The following SLC15A5 variants were observed in gnomAD, a reference collection of about 807,000 sequenced individuals.
The protein encoded by SLC15A5 is Peptide/histidine transporter ENSP00000340402.
A neutral mutation model predicts 56.1 loss-of-function variants in SLC15A5; 58 were observed. The ratio of observed to expected loss-of-function variants is 1.03; its 90% CI spans 0.84 to 1.29. The LOEUF (loss-of-function observed/expected upper bound fraction) is 1.29, where lower values mean the gene tolerates loss of function less well. Among genes scored for constraint, SLC15A5 ranks in the 50% most tolerant of loss-of-function variants. The pLI, the probability that SLC15A5 is intolerant of heterozygous loss-of-function variation, is 0.00. For missense variants in SLC15A5, 681 were observed against 672.1 expected, an observed-to-expected ratio of 1.01 and a Z score of -0.15; for synonymous variants, 264 against 250.5, an observed-to-expected ratio of 1.05 and a Z score of -0.51.
intron 2 of SLC15A5, among the ~76,000 whole-genome samples, chr12:16,265,464 G>A (rs539720801): frequency 6.6e-6 from 1 of 152,050 alleles, no homozygotes; most frequent in Non-Finnish European, 1.5e-5. Flanking sequence ...TGAATATTCT[G>A]CTTGTTCTCT....
intron 7 of SLC15A5, among the ~76,000 whole-genome samples, chr12:16,211,950 A>G (rs11056825): frequency 0.14 from 21,556 of 152,178 alleles, 1,993 homozygotes; most frequent in East Asian, 0.33. Context: ...CAGCTTGGAG[A>G]CTGGAAGACT....
chr12:16,217,139 T>C (rs1328782446), intron 6 of SLC15A5, 115 bp from the exon 7 acceptor site: 10 of 1,184,590 alleles, frequency 8.4e-6, no homozygotes, highest in Non-Finnish European at 1.1e-5. Flanking sequence ...ACAATAAAAA[T>C]TTGGGTTGGA....
At chr12:16,217,399 A>G (rs1379486796) in intron 6 of SLC15A5, among the ~76,000 whole-genome samples, 1 of 152,188 alleles carries the variant, frequency 6.6e-6, no homozygotes, top group Non-Finnish European at 1.5e-5. Context: ...TGTGTAATTC[A>G]TTAAGTTCCT....
intron 1 of SLC15A5, among the ~76,000 whole-genome samples, chr12:16,275,539 A>G (rs1864808529): frequency 6.6e-6 from 1 of 152,012 alleles, no homozygotes; most frequent in Non-Finnish European, 1.5e-5. Context: ...GGCCATTGGA[A>G]TGGTTAAAAA....
chr12:16,211,300 G>A (rs16911720), intron 7 of SLC15A5, among the ~76,000 whole-genome samples: 22,472 of 152,132 alleles, frequency 0.15, 1,851 homozygotes, highest in East Asian at 0.27. Flanking sequence ...TCAGTCATTC[G>A]TGCCGACATA....
At chr12:16,274,897 A>G (rs190205272) in intron 1 of SLC15A5, among the ~76,000 whole-genome samples, 2 of 152,242 alleles carry the variant, frequency 1.3e-5, no homozygotes, top group East Asian at 3.9e-4. Context: ...CTGTTGTAAA[A>G]TGATGCAGTA....
rs1352483468 is a variant in SLC15A5, at chr12:16,189,701, A to G, written c.1707T>C (p.Ser569=). Residue 569 remains serine (S), a synonymous_variant, in exon 9 of 9, where the codon TCT becomes TCC. Coordinates refer to ENST00000344941, the MANE Select transcript of SLC15A5 (RefSeq NM_001170798.1). ...LKFYGSIQEF[S]SSIDLWETAL is the part of the protein sequence containing the mutation. Reference sequence around the variant, plus strand: ...CTGTCTCCCAAAGATCAATACTTGAAGAAAATTCCTGTATACTGCCATAAA... The same window carrying G: ...CTGTCTCCCAAAGATCAATACTTGAGGAAAATTCCTGTATACTGCCATAAA... 2 of 1,525,758 alleles carry G rather than the reference A, an allele frequency of 1.3e-6. No individual in the cohort carries two copies. The highest frequency in any genetic ancestry group is 2.8e-5 in the African/African-American group (2 of 72,456). The allele number at this position is 1,525,758 out of a possible 1,614,324, so 94.5% of individuals were successfully genotyped here.
intron 2 of SLC15A5, among the ~76,000 whole-genome samples, chr12:16,259,249 C>A (rs1565673101): frequency 1.3e-5 from 2 of 151,212 alleles, no homozygotes; most frequent in Non-Finnish European, 3.0e-5. Context: ...GTTGCCCAGG[C>A]TGCACATCTG....
At chr12:16,219,072 T>C (rs1251337450) in intron 6 of SLC15A5, among the ~76,000 whole-genome samples, 2 of 152,184 alleles carry the variant, frequency 1.3e-5, no homozygotes, top group Non-Finnish European at 2.9e-5. Flanking sequence ...TGCTCAGTGC[T>C]GGAACTGAGA....
intron 3 of SLC15A5, among the ~76,000 whole-genome samples, chr12:16,253,599 C>T (rs574040522): frequency 5.9e-5 from 9 of 152,106 alleles, no homozygotes; most frequent in Non-Finnish European, 7.4e-5. Context: ...GGCTGGGTGC[C>T]GTGGCTCACA....
At chr12:16,189,856 T>G in intron 8 of SLC15A5, 41 bp from the exon 9 acceptor site, 1 of 1,363,126 alleles carries the variant, frequency 7.3e-7, no homozygotes, top group Non-Finnish European at 9.6e-7. Context: ...GGACCAGATG[T>G]AGATGAATTG....
At position 16,267,411 on chromosome 12, in the gene SLC15A5, T is replaced by C. The variant is rs901813864; in HGVS notation, c.584+5150A>G. 1.0e-4 allele frequency among the ~76,000 whole-genome samples: 12 copies of C among 116,412 alleles called. 2 individuals are homozygous for C. The highest frequency in any genetic ancestry group is 1.7e-4 in the Admixed American group (2 of 11,602). The allele number at this position is 116,412 out of a possible 152,430, so 76.4% of individuals were successfully genotyped here. A position where few individuals can be genotyped will look rare whatever the true frequency, so the allele number is the denominator to read the frequency against. On this transcript the variant is annotated intron_variant, in intron 2 of 8. Transcript: ENST00000344941. Reference sequence around the variant, plus strand: ...GGCCACTGAAGTACTTCAAAGAATATTCTGGCAGCCAAATATTTGGAGAAA... The same window carrying C: ...GGCCACTGAAGTACTTCAAAGAATACTCTGGCAGCCAAATATTTGGAGAAA...
intron 5 of SLC15A5, 120 bp from the exon 6 acceptor site, chr12:16,224,722 A>AT (rs368655261): frequency 0.028 from 29,150 of 1,056,512 alleles, 443 homozygotes; most frequent in Admixed American, 0.046. Flanking sequence ...GTTTGTTTTT[A>AT]TTTTTTTTTA....
At chr12:16,230,635 C>T (rs146026231) in intron 5 of SLC15A5, among the ~76,000 whole-genome samples, 1,586 of 151,882 alleles carry the variant, frequency 0.01, 12 homozygotes, top group South Asian at 0.023. Context: ...AAGACAAGGC[C>T]GGGCGCGGTG....
chr12:16,251,863 G>A (rs1474670437), intron 3 of SLC15A5, among the ~76,000 whole-genome samples: 1 of 151,768 alleles, frequency 6.6e-6, no homozygotes. Context: ...GACATAACAA[G>A]AAAAGTACAG....
intron 5 of SLC15A5, among the ~76,000 whole-genome samples, chr12:16,225,790 G>C (rs1344176193): frequency 6.6e-6 from 1 of 152,206 alleles, no homozygotes; most frequent in Non-Finnish European, 1.5e-5. Context: ...TCATTAAAAA[G>C]TCAGGAAACA....
chr12:16,189,888 T>G (rs1863824625), intron 8 of SLC15A5, 73 bp from the exon 9 acceptor site: 1 of 1,168,114 alleles, frequency 8.6e-7, no homozygotes. Context: ...GCTTCCCTCC[T>G]GCGCTTGTCT....
chr12:16,250,468 G>A (rs1321560523), intron 3 of SLC15A5, among the ~76,000 whole-genome samples: 1 of 151,870 alleles, frequency 6.6e-6, no homozygotes, highest in African/African-American at 2.4e-5. Context: ...CATTACTATT[G>A]GTAGTAGCTG....
At chr12:16,207,486 T>A (rs1343009036) in intron 7 of SLC15A5, among the ~76,000 whole-genome samples, 4 of 152,170 alleles carry the variant, frequency 2.6e-5, no homozygotes, top group Non-Finnish European at 5.9e-5. Flanking sequence ...TTTCATCCTG[T>A]GTCTTGTGCT....
Sources: allele counts gnomAD v4.1 joint callset (sites outside exome capture counted in the v4.1 genomes callset), GRCh38; gene constraint gnomAD v4.1.1; transcripts MANE v1.5; gene names NCBI Gene and HGNC (gene_info 2026-07-23, HGNC 2026-07-21).